Variants in PGBD2 observed in about 807,000 individuals in gnomAD.
PGBD2 encodes the protein piggyBac transposable element derived 2, also known as piggyBac transposable element-derived protein 2.
Under a neutral mutation model 8.1 loss-of-function variants are expected in PGBD2, and 6 were observed. The observed-to-expected ratio is 0.74, with a 90% CI of 0.40 to 1.46. The LOEUF (loss-of-function observed/expected upper bound fraction) is 1.46, where lower values mean the gene tolerates loss of function less well. PGBD2 is among the 40% of genes most tolerant of loss of function. The pLI, the probability that PGBD2 is intolerant of heterozygous loss-of-function variation, is 0.02. For missense variants in PGBD2, 802 were observed against 739.0 expected (o/e 1.09, Z -0.99); for synonymous variants, 318 against 272.2 (o/e 1.17, Z -1.66).
chr1:248,890,598 C>T, the PGBD2 span, among the ~76,000 whole-genome samples: 4 of 152,064 alleles, frequency 2.6e-5, no homozygotes, highest in Non-Finnish European at 5.9e-5. Context: ...TCACCCCACA[C>T]ACTACATGCA....
At chr1:248,927,136 A>T in the PGBD2 span, among the ~76,000 whole-genome samples, 1 of 152,174 alleles carries the variant, frequency 6.6e-6, no homozygotes, top group Admixed American at 6.5e-5. Flanking sequence ...TGTCGCCCAA[A>T]ATAGAGCCAG....
the PGBD2 span, among the ~76,000 whole-genome samples, chr1:248,928,715 A>T: frequency 1.2e-4 from 19 of 152,298 alleles, no homozygotes; most frequent in African/African-American, 4.6e-4. Flanking sequence ...TGGTAAAAAC[A>T]ATTCTGCTTC....
chr1:248,907,204 T>G (rs573128099), intron 1 of PGBD2, among the ~76,000 whole-genome samples: 193 of 152,306 alleles, frequency 1.3e-3, no homozygotes, highest in African/African-American at 3.5e-3. Context: ...TAAGTTCAAG[T>G]GGAGGTACTA....
upstream of PGBD2, among the ~76,000 whole-genome samples, chr1:248,904,107 G>A (rs1178460562): frequency 2.6e-5 from 4 of 151,340 alleles, no homozygotes; most frequent in African/African-American, 7.3e-5. Flanking sequence ...CCTAAAGCAA[G>A]ATAGTATCTA....
At chr1:248,915,019 T>A (rs958720740) in intron 2 of PGBD2, among the ~76,000 whole-genome samples, 1 of 152,226 alleles carries the variant, frequency 6.6e-6, no homozygotes, top group Non-Finnish European at 1.5e-5. Context: ...TCTCACCTCC[T>A]TCAGGTCTCC....
upstream of PGBD2, among the ~76,000 whole-genome samples, chr1:248,905,486 T>G (rs1661606993): frequency 6.6e-6 from 1 of 151,656 alleles, no homozygotes; most frequent in African/African-American, 2.4e-5. Flanking sequence ...ATAACTAGAG[T>G]GGAGAGAGTG....
intron 1 of PGBD2, among the ~76,000 whole-genome samples, chr1:248,911,948 C>A (rs576401799): frequency 6.6e-6 from 1 of 151,870 alleles, no homozygotes; most frequent in Non-Finnish European, 1.5e-5. Flanking sequence ...TCTATTCTTG[C>A]GGTTGTAAAA....
chr1:248,916,547 G>A, intron 2 of PGBD2, 55 bp from the exon 3 acceptor site: 1 of 1,507,958 alleles, frequency 6.6e-7, no homozygotes, highest in Non-Finnish European at 9.1e-7. Flanking sequence ...CTTTTCTGCT[G>A]AAGCATTGGC....
Position 248,917,389 on chromosome 1 carries a change from G to T in PGBD2, c.805G>T (p.Gly269Cys). 1 of 1,614,138 alleles carries T rather than the reference G, an allele frequency of 6.2e-7. No homozygotes were observed. The highest frequency in any genetic ancestry group is 8.5e-7 in the Non-Finnish European group (1 of 1,180,024). ...ACCCTTGGAAGAGTTCTACAGCTTT[G>T]GCGAGTCTATGTGTGAGTACTTTGG... The part of the protein sequence containing the change: ...HAPLEEFYSF[G>C]ESMCEYFGHR... The change falls in exon 3 of 3, where the codon GGC (glycine) becomes TGC (cysteine). Residue 269 changes from glycine to cysteine, a missense_variant. Physicochemically the swap from Gly to Cys is radical, Grantham distance 159 (BLOSUM62 -3). Coordinates refer to ENST00000329291, the MANE Select transcript of PGBD2 (RefSeq NM_170725.3).
chr1:248,894,392 G>A, the PGBD2 span, among the ~76,000 whole-genome samples: 1 of 151,940 alleles, frequency 6.6e-6, no homozygotes, highest in South Asian at 2.1e-4. Flanking sequence ...GATTTTTAGG[G>A]TTATATAACT....
upstream of PGBD2, among the ~76,000 whole-genome samples, chr1:248,903,383 C>T (rs565233475): frequency 7.4e-4 from 112 of 152,074 alleles, 1 homozygote; most frequent in African/African-American, 2.6e-3. Context: ...GTAGCATAGT[C>T]TTACTATGTT....
chr1:248,907,604 G>GCA (rs1558284293), intron 1 of PGBD2, among the ~76,000 whole-genome samples: 6 of 152,112 alleles, frequency 3.9e-5, no homozygotes, highest in African/African-American at 9.7e-5. Context: ...GGCTTTTCAT[G>GCA]GTGCATTGCG....
the PGBD2 span, among the ~76,000 whole-genome samples, chr1:248,892,273 CCCTT>C: frequency 8.0e-4 from 102 of 127,376 alleles, 1 homozygote; most frequent in South Asian, 3.5e-3. Flanking sequence ...CTCCCTCCCT[CCCTT>C]CCTTCCTTCC....
chr1:248,909,795 G>A (rs1661801676), intron 1 of PGBD2, among the ~76,000 whole-genome samples: 2 of 152,198 alleles, frequency 1.3e-5, no homozygotes, highest in African/African-American at 4.8e-5. Context: ...AAGCAGTCAG[G>A]CCAGAGTAGG....
At chr1:248,904,819 C>T (rs902055335), upstream of PGBD2, among the ~76,000 whole-genome samples, 5 of 152,214 alleles carry the variant, frequency 3.3e-5, no homozygotes, top group African/African-American at 1.2e-4. Flanking sequence ...TCTTATTGGT[C>T]CCCTTTGCTT....
At position 248,913,870 on chromosome 1, in the gene PGBD2, C is replaced by G. The variant is rs1272455602; in HGVS notation, c.8C>G (p.Ser3Ter). ...TCATCTTCCCAGTTCATCATGGCTTCAACATCCAGGTAGGAGTGCTGTTTG... is the reference window on the plus strand; with the variant it reads ...TCATCTTCCCAGTTCATCATGGCTTGAACATCCAGGTAGGAGTGCTGTTTG... MA[S>*]TSRDVIAGRG... The change falls in exon 2 of 3, where the codon TCA becomes TGA. Residue 3 changes from serine to a stop codon, truncating the protein, a stop_gained. Transcript: ENST00000329291. LOFTEE classifies it low-confidence loss of function (END_TRUNC). The G allele has an allele frequency of 2.5e-6, 4 of 1,609,972 alleles. No homozygotes were observed. Among genetic ancestry groups the G allele is most frequent in the Non-Finnish European group, 3.4e-6 (4 of 1,176,368 alleles).
chr1:248,918,121 C>T lies in PGBD2; in HGVS notation c.1537C>T (p.Leu513Phe), dbSNP rs781274229. ...CTGCTGCCAAGATGCCCAGGTGGAC[C>T]TCCTTGCCTTCCGGAGATACATTGC... ...RICCQDAQVD[L>F]LAFRRYIACV... Residue 513 changes from leucine (L) to phenylalanine (F), a missense_variant, in exon 3 of 3, where the codon CTC becomes TTC. Physicochemically the swap from Leu to Phe is conservative, Grantham distance 22. Coordinates refer to ENST00000329291, the MANE Select transcript of PGBD2 (RefSeq NM_170725.3). 2.5e-6 allele frequency: 4 copies of T among 1,614,202 alleles called. No individual in the cohort carries two copies. The South Asian group carries it at 3.3e-5, about 13-fold the overall frequency.
Position 248,917,971 on chromosome 1 carries a change from G to A in PGBD2, c.1387G>A (p.Val463Ile), listed in dbSNP as rs199974890. 25 of 1,614,222 alleles carry A rather than the reference G, an allele frequency of 1.5e-5. No individual in the cohort carries two copies. The highest frequency in any genetic ancestry group is 8.3e-5 in the Admixed American group (5 of 60,016). ...GCTGTATCAGGAGAAGGTGGGTGGC[G>A]TTGGTAGGATGGATCAGAATATTGC... ...VKLYQEKVGG[V>I]GRMDQNIAKY... is the part of the protein sequence containing the mutation. Residue 463 changes from valine to isoleucine, a missense_variant, in exon 3 of 3, where the codon GTT (valine) becomes ATT (isoleucine). Coordinates refer to ENST00000329291, the MANE Select transcript of PGBD2 (RefSeq NM_170725.3).
the PGBD2 span, among the ~76,000 whole-genome samples, chr1:248,901,145 T>C: frequency 3.9e-4 from 59 of 152,204 alleles, no homozygotes; most frequent in African/African-American, 1.4e-3. Context: ...AGAATCAATA[T>C]TGTGAAAATG....
Sources: allele counts gnomAD v4.1 joint callset (sites outside exome capture counted in the v4.1 genomes callset), GRCh38; gene constraint gnomAD v4.1.1; transcripts MANE v1.5; gene names NCBI Gene and HGNC (gene_info 2026-07-23, HGNC 2026-07-21).